Variants in NOL9 observed in about 807,000 individuals in gnomAD.
NOL9 encodes the protein polynucleotide 5'-hydroxyl-kinase NOL9.
A neutral mutation model predicts 67.9 loss-of-function variants in NOL9; 28 were observed. The ratio of observed to expected loss-of-function variants is 0.41; its 90% CI spans 0.31 to 0.57. The LOEUF is 0.57. NOL9 is among the 20% of genes least tolerant of loss of function. The probability of loss-of-function intolerance (pLI) is 0.25; values close to 1 mark genes in which losing one functional copy is unlikely to be tolerated. For synonymous variants in NOL9, 356 were observed against 352.2 expected (o/e 1.01, Z -0.12); for missense variants, 777 against 897.0 (o/e 0.87, Z 1.71).
chr1:6,534,546 G>A (rs1302860661), intron 6 of NOL9, among the ~76,000 whole-genome samples: 2 of 152,174 alleles, frequency 1.3e-5, no homozygotes, highest in African/African-American at 4.8e-5. Context: ...AGCCAGCGAG[G>A]CTCCTTTCAA....
At chr1:6,548,697 A>G (rs529077439) in intron 3 of NOL9, 21 of 181,132 alleles carry the variant, frequency 1.2e-4, no homozygotes, top group African/African-American at 4.7e-4. Flanking sequence ...ATAAAAGAAA[A>G]TATAAGTTCA....
At chr1:6,536,763 G>A (rs2148654982) in intron 6 of NOL9, among the ~76,000 whole-genome samples, 1 of 152,294 alleles carries the variant, frequency 6.6e-6, no homozygotes, top group Middle Eastern at 3.4e-3. Flanking sequence ...GATGCAGTGA[G>A]CTGTGATTAC....
intron 6 of NOL9, among the ~76,000 whole-genome samples, chr1:6,534,696 T>C (rs1639108831): frequency 6.6e-6 from 1 of 152,144 alleles, no homozygotes; most frequent in Non-Finnish European, 1.5e-5. Flanking sequence ...AGAACCAACT[T>C]ACAAATATGA....
At chr1:6,551,293 T>C (rs1639538233) in intron 1 of NOL9, among the ~76,000 whole-genome samples, 1 of 151,156 alleles carries the variant, frequency 6.6e-6, no homozygotes, top group South Asian at 2.1e-4. Context: ...CAGTAATAAG[T>C]ATTGGGCCAG....
chr1:6,531,922 A>G (rs771839463), intron 9 of NOL9, 46 bp downstream of exon 9: 2 of 1,471,058 alleles, frequency 1.4e-6, no homozygotes, highest in Non-Finnish European at 1.9e-6. Flanking sequence ...AAACCACACA[A>G]GTGTGTAACA....
rs781434009 is a variant in NOL9 at position 6,541,497 on chromosome 1, AT to A, written c.1075+332del. 5.3e-5 allele frequency among the ~76,000 whole-genome samples: 8 copies of A among 152,076 alleles called. 1 individual carries two copies. The highest frequency in any genetic ancestry group is 3.9e-4 in the Admixed American group (6 of 15,244). ...ACAGGCAGCCTGATTAACAGTATTG[AT>A]TCAGTATTAATTTCTTAGTCTCGAT... On this transcript the variant is annotated intron_variant, in intron 6 of 11. Coordinates refer to ENST00000377705, the MANE Select transcript of NOL9 (RefSeq NM_024654.5).
intron 11 of NOL9, 25 bp from the exon 12 acceptor site, chr1:6,526,028 A>G (rs1297553388): frequency 1.2e-6 from 2 of 1,609,548 alleles, no homozygotes; most frequent in East Asian, 2.2e-5. Flanking sequence ...CAGAGAATGC[A>G]TGGAAACACT....
rs1343845551 is a variant in NOL9, at chr1:6,525,993, T to C, written c.1970A>G (p.Glu657Gly). 1 of 1,613,914 alleles carries C rather than the reference T, an allele frequency of 6.2e-7. No individual in the cohort carries two copies. Among genetic ancestry groups the C allele is most frequent in the Non-Finnish European group, 8.5e-7 (1 of 1,179,830 alleles). Residue 657 changes from glutamate to glycine, a missense_variant, in exon 12 of 12, where the codon GAA becomes GGA. Physicochemically the swap from Glu to Gly is moderately conservative, Grantham distance 98. Around this residue, in one of 2 missense-constraint regions of NOL9, gnomAD observed 413 missense variants for 552.6 expected, o/e 0.75. Coordinates refer to ENST00000377705, the MANE Select transcript of NOL9 (RefSeq NM_024654.5). ...HCVLKCQRGI[E>G]GTVPYVTTDY... ...CGTTGTGACATAAGGTACTGTCCCT[T>C]CGATCCCACGCTGAAACGGAAACAC...
chr1:6,553,733 T>G (rs1639595686), intron 1 of NOL9, among the ~76,000 whole-genome samples: 1 of 152,002 alleles, frequency 6.6e-6, no homozygotes, highest in Admixed American at 6.6e-5. Context: ...TCCCAACTAC[T>G]CCGGAGGCTG....
chr1:6,550,734 A>C, intron 1 of NOL9, 119 bp from the exon 2 acceptor site: 1 of 715,858 alleles, frequency 1.4e-6, no homozygotes, highest in Non-Finnish European at 2.2e-6. Flanking sequence ...CCCAGGCTGG[A>C]GTACAATGGC....
rs1274060657 is a variant in NOL9 at position 6,532,452 on chromosome 1, G to C, written c.1535+11C>G. Reference sequence around the variant, plus strand: ...GAAAAATAATTCTTCAGCCAAATGAGGGTTAGTTACCTATTTCTTGGAGTT... The same window carrying C: ...GAAAAATAATTCTTCAGCCAAATGACGGTTAGTTACCTATTTCTTGGAGTT... On this transcript the variant is annotated intron_variant, in intron 8 of 11. Transcript: ENST00000377705. 1.3e-6 allele frequency: 2 copies of C among 1,599,190 alleles called. No individual in the cohort carries two copies. The highest frequency in any genetic ancestry group is 1.7e-6 in the Non-Finnish European group (2 of 1,170,990).
rs762099914 is a variant in NOL9 at position 6,529,178 on chromosome 1, A to G, written c.1648-7T>C. ...CGACTGCATTGAAAGGGACCTGGAA[A>G]ATGAATTTGCATCTCACTCTATTCA... On this transcript the variant is annotated splice_polypyrimidine_tract_variant and splice_region_variant and intron_variant, in intron 9 of 11. Transcript: ENST00000377705. 3 of 1,609,378 alleles carry G rather than the reference A, an allele frequency of 1.9e-6. No homozygotes were observed. The highest frequency in any genetic ancestry group is 1.1e-5 in the South Asian group (1 of 90,934).
rs775583559 is a variant in NOL9 at position 6,528,987 on chromosome 1, G to A, written c.1825+7C>T. On this transcript the variant is annotated splice_region_variant and intron_variant, in intron 10 of 11. Transcript: ENST00000377705. ...GGTTTATGGATATGTTTTACTCTCA[G>A]ACTCACCAAAGCCCAAGCAGTCACA... The A allele has an allele frequency of 6.8e-6, 11 of 1,613,652 alleles. No homozygotes were observed. Among genetic ancestry groups the A allele is most frequent in the Admixed American group, 1.7e-5 (1 of 59,964 alleles).
intron 9 of NOL9, 23 bp downstream of exon 9, chr1:6,531,945 T>C: frequency 1.3e-6 from 2 of 1,582,128 alleles, no homozygotes; most frequent in African/African-American, 1.3e-5. Context: ...ATGAAGACAA[T>C]TTCTCCTGTA....
chr1:6,528,945 G>C, intron 10 of NOL9, 49 bp downstream of exon 10: 1 of 1,576,014 alleles, frequency 6.3e-7, no homozygotes, highest in African/African-American at 1.3e-5. Flanking sequence ...AGTTGAAGCA[G>C]TGGATCCTTT....
At chr1:6,540,868 A>G (rs1252150209) in intron 6 of NOL9, 3 of 152,090 alleles carry the variant, frequency 2.0e-5, no homozygotes, top group Non-Finnish European at 4.4e-5. Context: ...TTACTCCAGC[A>G]GCACATATAC....
intron 2 of NOL9, 135 bp from the exon 3 acceptor site, chr1:6,549,833 G>A (rs1489649430): frequency 4.9e-6 from 5 of 1,017,612 alleles, no homozygotes; most frequent in Non-Finnish European, 7.2e-6. Flanking sequence ...TTTTCAGGGG[G>A]CCGTACTACA....
chr1:6,526,874 A>T, intron 10 of NOL9, 45 bp from the exon 11 acceptor site: 1 of 1,528,030 alleles, frequency 6.5e-7, no homozygotes, highest in Non-Finnish European at 8.8e-7. Context: ...TTTGGAAAAC[A>T]TCAAACTTCT....
intron 2 of NOL9, among the ~76,000 whole-genome samples, chr1:6,549,904 C>A (rs566528168): frequency 6.6e-6 from 1 of 152,194 alleles, no homozygotes; most frequent in South Asian, 2.1e-4. Context: ...AATTCTGTGG[C>A]CTTGAACAAT....
Sources: gnomAD v4.1 joint callset for allele counts (sites outside exome capture counted in the v4.1 genomes callset) on GRCh38, gnomAD v4.1.1 for gene constraint, gnomAD v4.1.1 regional missense constraint, MANE v1.5 for transcripts, NCBI Gene and HGNC (gene_info 2026-07-23, HGNC 2026-07-21) for gene names.